DENND1A: variants seen among roughly 807,000 people sequenced by gnomAD.
The protein encoded by DENND1A is DENN domain containing 1A, also known as DENN domain-containing protein 1A.
DENND1A carries 51 observed loss-of-function variants against 113.7 expected under a neutral mutation model. That is an observed-to-expected ratio of 0.45 (90% CI 0.36 to 0.57). The LOEUF (loss-of-function observed/expected upper bound fraction) is 0.57. Ranked by LOEUF, DENND1A falls within the 20% of genes least tolerant of loss-of-function variation. The pLI is 0.00. For missense variants in DENND1A, 1,258 were observed against 1,395.9 expected, an observed-to-expected ratio of 0.90 and a Z score of 1.57; for synonymous variants, 565 against 570.8, an observed-to-expected ratio of 0.99 and a Z score of 0.14.
intron 1 of DENND1A, among the ~76,000 whole-genome samples, chr9:123,914,644 T>G (rs1459980564): frequency 6.6e-6 from 1 of 151,864 alleles, no homozygotes; most frequent in East Asian, 1.9e-4. Context: ...TGCTGGCATC[T>G]GCTTCTGGAG....
intron 13 of DENND1A, 100 bp downstream of exon 13, chr9:123,557,470 A>T: frequency 6.5e-7 from 1 of 1,528,516 alleles, no homozygotes; most frequent in Non-Finnish European, 8.8e-7. Flanking sequence ...TTCTAGATGA[A>T]TCTGGAAACC....
chr9:123,773,950 C>G (rs1053731990), intron 3 of DENND1A, among the ~76,000 whole-genome samples: 1 of 151,942 alleles, frequency 6.6e-6, no homozygotes, highest in African/African-American at 2.4e-5. Context: ...CAATTAGCCT[C>G]TTTGTGGCTT....
chr9:123,673,523 G>A (rs1330317269), intron 6 of DENND1A, among the ~76,000 whole-genome samples: 1 of 152,170 alleles, frequency 6.6e-6, no homozygotes, highest in Non-Finnish European at 1.5e-5. Context: ...CCAGAATCAG[G>A]TTATTTCTTC....
At chr9:123,766,810 C>A (rs1158807508) in intron 4 of DENND1A, among the ~76,000 whole-genome samples, 1 of 152,120 alleles carries the variant, frequency 6.6e-6, no homozygotes, top group East Asian at 1.9e-4. Context: ...TTTCCTAAGT[C>A]CTAGTTTGAA....
intron 5 of DENND1A, among the ~76,000 whole-genome samples, chr9:123,703,309 T>C (rs968874752): frequency 1.3e-5 from 2 of 152,184 alleles, no homozygotes; most frequent in African/African-American, 4.8e-5. Context: ...GGGATATACG[T>C]TATAAAAAGA....
chr9:123,500,713 A>G (rs1204156119), intron 13 of DENND1A, among the ~76,000 whole-genome samples: 1 of 152,190 alleles, frequency 6.6e-6, no homozygotes, highest in African/African-American at 2.4e-5. Context: ...TTTCTAGCTC[A>G]GTGCCAGGAT....
At chr9:123,539,083 T>G (rs1035090416) in intron 13 of DENND1A, among the ~76,000 whole-genome samples, 4 of 151,966 alleles carry the variant, frequency 2.6e-5, no homozygotes, top group African/African-American at 9.7e-5. Context: ...AAGCTTAGAA[T>G]ATCACCATTT....
At chr9:123,822,464 T>C (rs1408606374) in intron 2 of DENND1A, among the ~76,000 whole-genome samples, 1 of 152,202 alleles carries the variant, frequency 6.6e-6, no homozygotes, top group Non-Finnish European at 1.5e-5. Flanking sequence ...AAATTAGTAA[T>C]CACAGGAGCT....
At chr9:123,474,762 T>C (rs993021713) in intron 13 of DENND1A, among the ~76,000 whole-genome samples, 8 of 152,214 alleles carry the variant, frequency 5.3e-5, no homozygotes, top group Non-Finnish European at 1.2e-4. Flanking sequence ...TTATTCCAGT[T>C]GTGAGAAGTA....
chr9:123,644,483 A>C (rs2062203940), intron 9 of DENND1A, among the ~76,000 whole-genome samples: 1 of 148,404 alleles, frequency 6.7e-6, no homozygotes. Context: ...TATCCACCAG[A>C]TTTGGCTCAG....
At chr9:123,656,858 A>G (rs1322672996) in intron 8 of DENND1A, among the ~76,000 whole-genome samples, 1 of 152,202 alleles carries the variant, frequency 6.6e-6, no homozygotes, top group East Asian at 1.9e-4. Flanking sequence ...TCTGTGCTCA[A>G]AAGGTCTCGG....
At chr9:123,824,600 G>A (rs571630121) in intron 2 of DENND1A, among the ~76,000 whole-genome samples, 1 of 152,006 alleles carries the variant, frequency 6.6e-6, no homozygotes, top group East Asian at 1.9e-4. Context: ...AAAAAGTAAA[G>A]AAAAGAAAGA....
At chr9:123,647,443 C>T (rs1279844589) in intron 9 of DENND1A, among the ~76,000 whole-genome samples, 1 of 152,172 alleles carries the variant, frequency 6.6e-6, no homozygotes, top group Admixed American at 6.5e-5. Flanking sequence ...CCCTTTATAG[C>T]AAAATGTGTT....
At chr9:123,825,207 TATA>T (rs1478414268) in intron 2 of DENND1A, among the ~76,000 whole-genome samples, 1 of 151,928 alleles carries the variant, frequency 6.6e-6, no homozygotes, top group African/African-American at 2.4e-5. Flanking sequence ...AGATTTTTTA[TATA>T]ATACTACTAT....
chr9:123,485,035 T>C (rs2050676081), intron 13 of DENND1A, among the ~76,000 whole-genome samples: 1 of 152,158 alleles, frequency 6.6e-6, no homozygotes, highest in African/African-American at 2.4e-5. Flanking sequence ...ACTATAATTG[T>C]CTGTGTAGTT....
intron 5 of DENND1A, among the ~76,000 whole-genome samples, chr9:123,684,199 T>A (rs1364044745): frequency 6.6e-6 from 1 of 152,140 alleles, no homozygotes; most frequent in East Asian, 1.9e-4. Flanking sequence ...AAACCTAATT[T>A]TTCAAGCACA....
intron 13 of DENND1A, among the ~76,000 whole-genome samples, chr9:123,469,281 G>A (rs1329204345): frequency 6.6e-6 from 1 of 152,266 alleles, no homozygotes; most frequent in Non-Finnish European, 1.5e-5. Flanking sequence ...CGTGAAGCCA[G>A]CTCACTGTTC....
chr9:123,568,917 A>C (rs1312617863), intron 12 of DENND1A, among the ~76,000 whole-genome samples: 1 of 152,226 alleles, frequency 6.6e-6, no homozygotes, highest in East Asian at 1.9e-4. Flanking sequence ...TGATGCATAA[A>C]AGAGCTGACA....
chr9:123,672,939 T>C (rs983786404), intron 6 of DENND1A, among the ~76,000 whole-genome samples: 3 of 152,230 alleles, frequency 2.0e-5, no homozygotes, highest in Non-Finnish European at 2.9e-5. Context: ...GCCAATAATA[T>C]CCTTGGCAGC....
Sources: gnomAD v4.1 joint callset for allele counts (sites outside exome capture counted in the v4.1 genomes callset) on GRCh38, gnomAD v4.1.1 for gene constraint, MANE v1.5 for transcripts, NCBI Gene and HGNC (gene_info 2026-07-23, HGNC 2026-07-21) for gene names.